The following SKI variants were observed in gnomAD, a reference collection of about 807,000 sequenced individuals.
The protein encoded by SKI is SKI proto-oncogene.
SKI carries 23 observed loss-of-function variants against 59.3 expected under a neutral mutation model. That is an observed-to-expected ratio of 0.39 (90% CI 0.28 to 0.55). SKI has a LOEUF of 0.55. Ranked by LOEUF, SKI falls within the 20% of genes least tolerant of loss-of-function variation. The probability of loss-of-function intolerance (pLI) is 0.67; values close to 1 mark genes in which losing one functional copy is unlikely to be tolerated. For missense variants in SKI, 1,017 were observed against 1,038.9 expected (o/e 0.98, Z 0.29); for synonymous variants, 673 against 488.6 (o/e 1.38, Z -4.98).
Position 2,302,988 on chromosome 1 carries a change from A to G in SKI, c.980A>G (p.Glu327Gly). The change falls in exon 2 of 7, where the codon GAG becomes GGG. Residue 327 changes from glutamate to glycine, a missense_variant. By Grantham distance (98) the Glu-to-Gly change is moderately conservative. Transcript: ENST00000378536. ...YKRRVPRVSS[E>G]PPASIRPKTD... ...TTTCATTGATCGCAGGTCTCCTCTG[A>G]GCCTCCGGCCTCCATAAGACCCAAA... 1.9e-6 allele frequency: 3 copies of G among 1,613,508 alleles called. No individual in the cohort carries two copies. Among genetic ancestry groups the G allele is most frequent in the Non-Finnish European group, 1.7e-6 (2 of 1,180,006 alleles).
intron 5 of SKI, among the ~76,000 whole-genome samples, chr1:2,305,603 G>A (rs1010757808): frequency 1.3e-4 from 20 of 152,204 alleles, no homozygotes; most frequent in Admixed American, 7.9e-4. Context: ...CGGAGGCGCC[G>A]GGCGGATGGA....
intron 1 of SKI, among the ~76,000 whole-genome samples, chr1:2,265,574 G>A (rs1639485857): frequency 6.6e-6 from 1 of 152,164 alleles, no homozygotes; most frequent in African/African-American, 2.4e-5. Context: ...GGTTGTTTGC[G>A]ATGGATGGAT....
rs758717415 is a variant in SKI at position 2,228,998 on chromosome 1, G to C, written c.232G>C (p.Ala78Pro). Residue 78 changes from alanine (A) to proline (P), a missense_variant, in exon 1 of 7, where the codon GCC (alanine) becomes CCC (proline). Physicochemically the swap from Ala to Pro is conservative, Grantham distance 27. Transcript: ENST00000378536. ...GCCGCCGCCCGTGCTGCACCTGCCC[G>C]CCATCCAGCCGCCGCCGCCCGTGCT... Reference protein sequence around the residue: ...TEPPPVLHLPAIQPPPPVLPG... With the variant: ...TEPPPVLHLPPIQPPPPVLPG... 3 of 1,558,532 alleles carry C rather than the reference G, an allele frequency of 1.9e-6. No individual in the cohort carries two copies. The highest frequency in any genetic ancestry group is 1.7e-6 in the Non-Finnish European group (2 of 1,159,478).
At chr1:2,278,976 A>G (rs1639808690) in intron 1 of SKI, among the ~76,000 whole-genome samples, 1 of 152,052 alleles carries the variant, frequency 6.6e-6, no homozygotes, top group Non-Finnish European at 1.5e-5. Flanking sequence ...TTGAAGTGCC[A>G]CCTTCATCTC....
rs908312301 is a variant in SKI, at chr1:2,284,201, A to G, written c.970-18777A>G. On this transcript the variant is annotated intron_variant, in intron 1 of 6. Coordinates refer to ENST00000378536, the MANE Select transcript of SKI (RefSeq NM_003036.4). ...CCCTGGGGGGCTCTGGCCCCAACAC[A>G]GCGTCCTCCCCGTTCCACTGGCCGG... 3.9e-5 allele frequency among the ~76,000 whole-genome samples: 6 copies of G among 151,922 alleles called. No individual in the cohort carries two copies. The East Asian group carries it at 1.2e-3, about 30-fold the overall frequency.
At chr1:2,246,926 A>AG (rs1250238847) in intron 1 of SKI, among the ~76,000 whole-genome samples, 1 of 152,188 alleles carries the variant, frequency 6.6e-6, no homozygotes. Context: ...GGCCTGTGCA[A>AG]GAGCCATGGG....
In SKI at chr1:2,303,730, G is replaced by T; in HGVS notation, c.1212-110G>T. Reference sequence around the variant, plus strand: ...TGTAAGCTTGACTTGAAGATTCGGAGCTGGGAAAGTCTTTCCTGTTTAACA... The same window carrying T: ...TGTAAGCTTGACTTGAAGATTCGGATCTGGGAAAGTCTTTCCTGTTTAACA... On this transcript the variant is annotated intron_variant, in intron 3 of 6. Coordinates refer to ENST00000378536, the MANE Select transcript of SKI (RefSeq NM_003036.4). The surrounding 1 kb of genome is among the most constrained non-coding windows in gnomAD (Gnocchi z 5.6). 7.1e-7 allele frequency: 1 copy of T among 1,407,296 alleles called. No individual in the cohort carries two copies. Among genetic ancestry groups the T allele is most frequent in the Non-Finnish European group, 9.8e-7 (1 of 1,022,038 alleles). 87.2% of individuals were successfully genotyped at this position (1,407,296 alleles called of 1,614,324 possible).
intron 1 of SKI, among the ~76,000 whole-genome samples, chr1:2,271,030 G>A (rs912415888): frequency 1.3e-5 from 2 of 152,200 alleles, no homozygotes; most frequent in African/African-American, 4.8e-5. Context: ...AGTGGGCTGG[G>A]GCCTGGTGTG....
chr1:2,292,877 G>A (rs1435113202), intron 1 of SKI, among the ~76,000 whole-genome samples: 1 of 152,214 alleles, frequency 6.6e-6, no homozygotes, highest in Non-Finnish European at 1.5e-5. Flanking sequence ...GCCTGTCCCT[G>A]GCGGGGCCGC....
chr1:2,255,284 C>T (rs1639249539), intron 1 of SKI, among the ~76,000 whole-genome samples: 1 of 152,068 alleles, frequency 6.6e-6, no homozygotes. Context: ...GACCTCAGTC[C>T]AGCTGCTTAG....
intron 1 of SKI, among the ~76,000 whole-genome samples, chr1:2,260,543 T>TTTC (rs200005612): frequency 0.013 from 1,763 of 131,660 alleles, 77 homozygotes; most frequent in African/African-American, 0.049. Flanking sequence ...TTCTTTTTTT[T>TTTC]TTTTTTTTTT....
At chr1:2,274,708 G>A (rs1256601694) in intron 1 of SKI, among the ~76,000 whole-genome samples, 1 of 152,240 alleles carries the variant, frequency 6.6e-6, no homozygotes, top group East Asian at 1.9e-4. Flanking sequence ...GATGGGACTT[G>A]AAGGGGCCTC....
chr1:2,272,777 G>T (rs546013605), intron 1 of SKI, among the ~76,000 whole-genome samples: 1 of 152,226 alleles, frequency 6.6e-6, no homozygotes, highest in African/African-American at 2.4e-5. Context: ...CCCCTGCCCC[G>T]GCCTATGTGT....
At position 2,229,180 on chromosome 1, in the gene SKI, G is replaced by T; in HGVS notation, c.414G>T (p.Gln138His). 6.2e-7 allele frequency: 1 copy of T among 1,611,544 alleles called. No homozygotes were observed. Among genetic ancestry groups the T allele is most frequent in the Non-Finnish European group, 8.5e-7 (1 of 1,179,474 alleles). ...TGCTGCGCGACTTCTCGCTGCAGCA[G>T]ATCAACGCGGTGTGCGACGAGCTCC... Reference protein sequence around the residue: ...NSVLRDFSLQQINAVCDELHI... With the variant: ...NSVLRDFSLQHINAVCDELHI... Residue 138 changes from glutamine (Q) to histidine (H), a missense_variant, in exon 1 of 7, where the codon CAG becomes CAT. Gln to His is a conservative substitution (Grantham distance 24, BLOSUM62 0). Transcript: ENST00000378536. This position sits in a 1 kb window ranked among gnomAD's most constrained non-coding sequence, Gnocchi z 6.3.
At chr1:2,264,306 G>A (rs559066278) in intron 1 of SKI, among the ~76,000 whole-genome samples, 14 of 152,302 alleles carry the variant, frequency 9.2e-5, no homozygotes, top group Admixed American at 3.3e-4. Flanking sequence ...GTCTTGCTCT[G>A]TCACCCAGGC....
intron 1 of SKI, among the ~76,000 whole-genome samples, chr1:2,250,820 C>T (rs1250427725): frequency 6.6e-6 from 1 of 152,276 alleles, no homozygotes; most frequent in African/African-American, 2.4e-5. Flanking sequence ...TTGGGCCTGC[C>T]TCGTTGCCCT....
At chr1:2,239,745 A>G (rs1038446745) in intron 1 of SKI, among the ~76,000 whole-genome samples, 1 of 152,188 alleles carries the variant, frequency 6.6e-6, no homozygotes, top group Non-Finnish European at 1.5e-5. Context: ...GGCCAACGGG[A>G]GGCTTCTCAG....
intron 1 of SKI, among the ~76,000 whole-genome samples, chr1:2,290,004 C>G (rs768429200): frequency 2.6e-5 from 4 of 152,158 alleles, no homozygotes; most frequent in Non-Finnish European, 5.9e-5. Flanking sequence ...AGTCTTTCCT[C>G]AAGGTCTTAG....
chr1:2,293,842 C>T (rs572881212), intron 1 of SKI, among the ~76,000 whole-genome samples: 32 of 152,324 alleles, frequency 2.1e-4, no homozygotes, highest in African/African-American at 7.0e-4. Flanking sequence ...GGTGAGCAGG[C>T]CTGTGGCTGC....
Sources: allele counts gnomAD v4.1 joint callset (sites outside exome capture counted in the v4.1 genomes callset), GRCh38; gene constraint gnomAD v4.1.1; non-coding constraint Gnocchi (gnomAD v3.1); transcripts MANE v1.5; gene names NCBI Gene and HGNC (gene_info 2026-07-23, HGNC 2026-07-21).